Variants in RARB observed in about 807,000 individuals in gnomAD.
The protein encoded by RARB is HBV-activated protein.
A neutral mutation model predicts 51.9 loss-of-function variants in RARB; 17 were observed. The observed-to-expected ratio is 0.33, with a 90% confidence interval of 0.22 to 0.49. RARB has a LOEUF of 0.49. RARB is among the 20% of genes least tolerant of loss of function. RARB has a pLI of 0.99. For missense variants in RARB, 369 were observed against 550.8 expected (o/e 0.67, Z 3.30); for synonymous variants, 215 against 195.4 (o/e 1.10, Z -0.84).
intron 3 of RARB, among the ~76,000 whole-genome samples, chr3:25,544,793 G>A (rs1699547915): frequency 6.6e-6 from 1 of 152,196 alleles, no homozygotes; most frequent in Admixed American, 6.5e-5. Flanking sequence ...TCTTTCTGGA[G>A]TGTGTAGATT....
At chr3:25,478,496 C>T (rs572069199) in intron 2 of RARB, among the ~76,000 whole-genome samples, 1 of 152,188 alleles carries the variant, frequency 6.6e-6, no homozygotes, top group Non-Finnish European at 1.5e-5. Flanking sequence ...CTGAGACAGA[C>T]TGAGGGAGCT....
chr3:25,385,732 A>G (rs932317683), intron 5 of RARB, among the ~76,000 whole-genome samples: 5 of 152,118 alleles, frequency 3.3e-5, no homozygotes, highest in African/African-American at 9.7e-5. Flanking sequence ...AGCCTGCCCT[A>G]CGCTCCTTCT....
intron 5 of RARB, among the ~76,000 whole-genome samples, chr3:25,396,498 T>C (rs1319533063): frequency 2.0e-5 from 3 of 152,212 alleles, no homozygotes; most frequent in African/African-American, 7.2e-5. Context: ...GGTGGCACTT[T>C]TGAAGAGAGC....
At chr3:25,157,163 A>G (rs1373437903) in intron 4 of RARB, among the ~76,000 whole-genome samples, 1 of 152,230 alleles carries the variant, frequency 6.6e-6, no homozygotes, top group Non-Finnish European at 1.5e-5. Flanking sequence ...GTATCTGTTC[A>G]AAACAAATAT....
chr3:25,105,961 G>T lies in RARB; in HGVS notation c.-327-26200G>T, dbSNP rs537724896. ...GCCCATTGCACAGTACGATTTGGTA[G>T]TGTGGCTGTTACTAATCCCAGCAGG... is the stretch of plus-strand genomic sequence containing the variant. On this transcript the variant is annotated intron_variant, in intron 3 of 11. Transcript: ENST00000383772. 2.0e-5 allele frequency among the ~76,000 whole-genome samples: 3 copies of T among 152,306 alleles called. No individual in the cohort carries two copies. The East Asian group carries it at 5.8e-4, about 29-fold the overall frequency.
chr3:24,849,083 G>C (rs577846075), intron 1 of RARB, among the ~76,000 whole-genome samples: 1 of 152,104 alleles, frequency 6.6e-6, no homozygotes, highest in Non-Finnish European at 1.5e-5. Flanking sequence ...CTGAAATGGA[G>C]AATAGTCCCA....
intron 5 of RARB, among the ~76,000 whole-genome samples, chr3:25,212,597 A>T (rs898383834): frequency 3.3e-5 from 5 of 152,226 alleles, no homozygotes; most frequent in African/African-American, 1.2e-4. Context: ...CAGCCTGGCA[A>T]CAGAGCTAGA....
intron 5 of RARB, among the ~76,000 whole-genome samples, chr3:25,363,075 C>T (rs1028192727): frequency 1.8e-4 from 28 of 152,036 alleles, no homozygotes; most frequent in African/African-American, 6.8e-4. Context: ...CAACCTAACC[C>T]ATATGTTTTG....
At chr3:25,218,996 C>A (rs960442474) in intron 5 of RARB, among the ~76,000 whole-genome samples, 2 of 152,172 alleles carry the variant, frequency 1.3e-5, no homozygotes, top group Admixed American at 1.3e-4. Flanking sequence ...CCAGCTGATA[C>A]AGGCACTTGA....
At chr3:24,914,410 G>A (rs1221177341) in intron 2 of RARB, among the ~76,000 whole-genome samples, 1 of 152,194 alleles carries the variant, frequency 6.6e-6, no homozygotes, top group East Asian at 1.9e-4. Flanking sequence ...TCTCAGATAG[G>A]CCTTATCCTG....
At chr3:25,157,625 G>A (rs997650562) in intron 4 of RARB, among the ~76,000 whole-genome samples, 1 of 152,090 alleles carries the variant, frequency 6.6e-6, no homozygotes, top group Non-Finnish European at 1.5e-5. Context: ...TCAAACTCCT[G>A]GCCTCAAGCG....
In RARB at chr3:25,365,424, C is replaced by G. The variant is rs150632107; in HGVS notation, c.179-95769C>G. On this transcript the variant is annotated intron_variant, in intron 5 of 11. Transcript: ENST00000383772. ...ACCATGCCTGTCTCATCCATGCTTT[C>G]TACTCTCCCTCCCAAATTAAAAATA... Among the ~76,000 whole-genome samples, 1,398 of 151,878 alleles carry G rather than the reference C, an allele frequency of 9.2e-3. 12 individuals are homozygous for G. Among genetic ancestry groups the G allele is most frequent in the Middle Eastern group, 0.031 (9 of 294 alleles).
At chr3:24,870,014 G>A (rs1702918477) in intron 2 of RARB, among the ~76,000 whole-genome samples, 2 of 151,960 alleles carry the variant, frequency 1.3e-5, no homozygotes, top group African/African-American at 4.8e-5. Flanking sequence ...ATCACTTCAT[G>A]TTCAGTGAAC....
chr3:25,518,618 TA>T (rs1400507842), intron 3 of RARB, among the ~76,000 whole-genome samples: 9 of 152,146 alleles, frequency 5.9e-5, no homozygotes, highest in Admixed American at 5.2e-4. Context: ...GAGAGTACAA[TA>T]AAGATGGCTT....
At chr3:25,485,461 CATATT>C (rs1308608143) in intron 2 of RARB, among the ~76,000 whole-genome samples, 1 of 152,182 alleles carries the variant, frequency 6.6e-6, no homozygotes, top group Admixed American at 6.5e-5. Context: ...TAGCCCCACT[CATATT>C]AGGTTTAAAG....
intron 2 of RARB, among the ~76,000 whole-genome samples, chr3:25,469,682 T>G (rs1180689793): frequency 6.6e-6 from 1 of 152,210 alleles, no homozygotes; most frequent in African/African-American, 2.4e-5. Context: ...GTGCCTTCCA[T>G]GAGACAGCTC....
chr3:25,494,255 A>ACGCGCGCGCGCGCGCACC (rs1559433100), intron 2 of RARB, among the ~76,000 whole-genome samples: 1 of 149,476 alleles, frequency 6.7e-6, no homozygotes, highest in Non-Finnish European at 1.5e-5. Context: ...TATCTTACGC[A>ACGCGCGCGCGCGCGCACC]CACACACACA....
At chr3:25,032,388 G>T (rs1697894012) in intron 2 of RARB, among the ~76,000 whole-genome samples, 1 of 152,158 alleles carries the variant, frequency 6.6e-6, no homozygotes, top group South Asian at 2.1e-4. Context: ...TTTCTCCAAA[G>T]CCAGTTTCAG....
intron 5 of RARB, among the ~76,000 whole-genome samples, chr3:25,421,559 G>A (rs535558329): frequency 7.3e-4 from 111 of 151,568 alleles, no homozygotes; most frequent in Non-Finnish European, 1.4e-3. Flanking sequence ...TTACAGGTGC[G>A]TGCCACCATG....
Sources: gnomAD v4.1 joint callset for allele counts (sites outside exome capture counted in the v4.1 genomes callset) on GRCh38, gnomAD v4.1.1 for gene constraint, MANE v1.5 for transcripts, NCBI Gene and HGNC (gene_info 2026-07-23, HGNC 2026-07-21) for gene names.